The following BLTP1 variants were observed in gnomAD, a reference collection of about 807,000 sequenced individuals.
BLTP1 encodes fragile site-associated protein.
the BLTP1 span, chr4:122,219,402 T>G: frequency 6.2e-6 from 10 of 1,614,168 alleles, no homozygotes; most frequent in Non-Finnish European, 7.6e-6. Flanking sequence ...CAAGTCCTGT[T>G]TTGTCACTGT....
chr4:122,196,822 G>C, the BLTP1 span: 1 of 1,218,118 alleles, frequency 8.2e-7, no homozygotes, highest in Non-Finnish European at 1.1e-6. Flanking sequence ...GTAGAAAATA[G>C]TATTTAAAAT....
chr4:122,175,770 T>A, the BLTP1 span: 1 of 914,650 alleles, frequency 1.1e-6, no homozygotes, highest in East Asian at 2.5e-5. Context: ...CATTATCAAT[T>A]GGCTTCCTTT....
the BLTP1 span, chr4:122,355,961 T>C: frequency 6.2e-7 from 1 of 1,611,196 alleles, no homozygotes. Flanking sequence ...TCCATTCATG[T>C]TCAAGAACCA....
At chr4:122,224,966 G>T in the BLTP1 span, 1 of 1,154,174 alleles carries the variant, frequency 8.7e-7, no homozygotes, top group Non-Finnish European at 1.1e-6. Flanking sequence ...TACTTTTCTA[G>T]AAGTCATTAA....
At chr4:122,163,445 C>CTGAG in the BLTP1 span, among the ~76,000 whole-genome samples, 1 of 152,214 alleles carries the variant, frequency 6.6e-6, no homozygotes, top group African/African-American at 2.4e-5. Context: ...GGAGTGCAAG[C>CTGAG]TGAGTGTGTC....
At chr4:122,309,446 G>A in the BLTP1 span, 5 of 1,612,820 alleles carry the variant, frequency 3.1e-6, no homozygotes, top group Middle Eastern at 8.3e-4. Context: ...AATTCATGGG[G>A]ATTTAGTGAT....
chr4:122,185,382 A>G, the BLTP1 span: 5 of 985,256 alleles, frequency 5.1e-6, no homozygotes, highest in South Asian at 1.4e-4. Context: ...TGATTGTGGT[A>G]CCTTTCTTCT....
At chr4:122,306,469 C>T in the BLTP1 span, 15 of 658,174 alleles carry the variant, frequency 2.3e-5, no homozygotes, top group Non-Finnish European at 2.8e-5. Flanking sequence ...ACAAAGTAGA[C>T]TACACAGTGG....
the BLTP1 span, chr4:122,229,345 G>T: frequency 9.3e-6 from 8 of 857,640 alleles, no homozygotes; most frequent in Non-Finnish European, 1.0e-5. Context: ...CTCACAGACA[G>T]CCACAAAATT....
the BLTP1 span, chr4:122,183,294 C>G: frequency 1.4e-6 from 1 of 704,518 alleles, no homozygotes; most frequent in Admixed American, 6.4e-5. Flanking sequence ...CATGGTTGCA[C>G]CACTGCATGC....
the BLTP1 span, among the ~76,000 whole-genome samples, chr4:122,338,293 C>T: frequency 6.6e-6 from 1 of 151,558 alleles, no homozygotes; most frequent in African/African-American, 2.4e-5. Flanking sequence ...ACATGGAGAC[C>T]CCATCTCTAC....
the BLTP1 span, chr4:122,210,856 C>T: frequency 6.2e-7 from 1 of 1,603,342 alleles, no homozygotes; most frequent in East Asian, 2.2e-5. Context: ...ACCCCTCAAA[C>T]ATTAGTCTTT....
chr4:122,188,179 C>T, the BLTP1 span: 17 of 1,250,062 alleles, frequency 1.4e-5, no homozygotes, highest in Non-Finnish European at 1.7e-5. Flanking sequence ...TTTTTTGCTA[C>T]AAGTTGTACA....
the BLTP1 span, chr4:122,186,172 T>A: frequency 4.3e-6 from 7 of 1,612,674 alleles, no homozygotes; most frequent in Non-Finnish European, 5.9e-6. Context: ...AGAAAGATGA[T>A]GATAAAACAC....
chr4:122,221,745 G>C, the BLTP1 span: 7 of 961,070 alleles, frequency 7.3e-6, no homozygotes, highest in African/African-American at 1.2e-4. Context: ...ATTCTGGGAG[G>C]CAGGTATGTG....
the BLTP1 span, chr4:122,259,932 A>G: frequency 4.6e-5 from 42 of 916,788 alleles, no homozygotes; most frequent in African/African-American, 7.6e-4. Flanking sequence ...CTGTAAAATG[A>G]TAATTTTGAC....
At chr4:122,170,184 T>TCC in the BLTP1 span, 1 of 315,564 alleles carries the variant, frequency 3.2e-6, no homozygotes, top group African/African-American at 2.3e-5. Flanking sequence ...CGCATGCCTG[T>TCC]AATCCCAGCT....
chr4:122,287,319 T>C, the BLTP1 span, among the ~76,000 whole-genome samples: 1 of 152,248 alleles, frequency 6.6e-6, no homozygotes, highest in Admixed American at 6.5e-5. Context: ...TCTAATTCCA[T>C]CATAATTTTT....
chr4:122,207,398 C>T, the BLTP1 span: 2 of 1,416,744 alleles, frequency 1.4e-6, no homozygotes, highest in African/African-American at 2.9e-5. Flanking sequence ...GTGAGACTCT[C>T]AGAAGACTGT....
Sources: allele counts gnomAD v4.1 joint callset (sites outside exome capture counted in the v4.1 genomes callset), GRCh38; gene constraint gnomAD v4.1.1; transcripts MANE v1.5; gene names NCBI Gene and HGNC (gene_info 2026-07-23, HGNC 2026-07-21).